Variants in CRYBG1 observed in about 807,000 individuals in gnomAD.
CRYBG1 encodes the protein beta/gamma crystallin domain-containing protein 1.
A neutral mutation model predicts 189.2 loss-of-function variants in CRYBG1; 139 were observed. The ratio of observed to expected loss-of-function variants is 0.73; its 90% CI spans 0.64 to 0.85. The LOEUF (loss-of-function observed/expected upper bound fraction) is 0.85. Ranked by LOEUF, CRYBG1 falls within the 40% of genes least tolerant of loss-of-function variation. CRYBG1 has a pLI of 0.00. For synonymous variants in CRYBG1, 1,023 were observed against 1,017.1 expected, an observed-to-expected ratio of 1.01 and a Z score of -0.11; for missense variants, 2,611 against 2,675.8, an observed-to-expected ratio of 0.98 and a Z score of 0.53.
chr6:106,541,703 C>A, intron 10 of CRYBG1, 82 bp downstream of exon 10: 2 of 933,410 alleles, frequency 2.1e-6, no homozygotes, highest in South Asian at 1.5e-5. Context: ...TAATGTTATT[C>A]CCACTCCATC....
chr6:106,512,914 A>G lies in CRYBG1; in HGVS notation c.1797A>G (p.Ala599=), dbSNP rs374565289. 2 of 1,606,926 alleles carry G rather than the reference A, an allele frequency of 1.2e-6. No homozygotes were observed. Among genetic ancestry groups the G allele is most frequent in the Non-Finnish European group, 1.7e-6 (2 of 1,177,006 alleles). Residue 599 remains alanine (A), a synonymous_variant, in exon 3 of 22, where the codon GCA becomes GCG. Coordinates refer to ENST00000633556, the MANE Select transcript of CRYBG1 (RefSeq NM_001371242.2). ...TCCCCAACCACTTCAACGGCCGGGC[A>G]GAGGGAGGTCGAAGCAGAGAGCTGG... is the stretch of plus-strand genomic sequence containing the variant. ...GPLPNHFNGR[A]EGGRSRELGR...
chr6:106,533,676 C>T (rs1175695337), intron 8 of CRYBG1, among the ~76,000 whole-genome samples: 3 of 152,022 alleles, frequency 2.0e-5, no homozygotes, highest in African/African-American at 4.8e-5. Flanking sequence ...GTATGAGGGG[C>T]CAAGACATGC....
rs1676015 is a variant in CRYBG1, at chr6:106,553,539, A to G, written c.5557A>G (p.Thr1853Ala). The G allele has an allele frequency of 6.2e-7, 1 of 1,613,512 alleles. No individual in the cohort carries two copies. Among genetic ancestry groups the G allele is most frequent in the Non-Finnish European group, 8.5e-7 (1 of 1,179,466 alleles). ...AAGTCAAATTGATGATTCATTTTCTACCAAGTCTTGCAGAGTTTCAGGAGG... is the reference window on the plus strand; with the variant it reads ...AAGTCAAATTGATGATTCATTTTCTGCCAAGTCTTGCAGAGTTTCAGGAGG... ...TTSQIDDSFS[T>A]KSCRVSGGSW... is the part of the protein sequence containing the mutation. The change falls in exon 16 of 22, where the codon ACC becomes GCC. Residue 1853 changes from threonine to alanine, a missense_variant. Transcript: ENST00000633556.
At position 106,519,604 on chromosome 6, in the gene CRYBG1, CA is replaced by C; in HGVS notation, c.2397del (p.Val800TrpfsTer5). 6.2e-7 allele frequency: 1 copy of C among 1,614,190 alleles called. No homozygotes were observed. The highest frequency in any genetic ancestry group is 1.3e-5 in the African/African-American group (1 of 75,040). ...ACAGATGCTGGCTGCCTTTCAGAAC[CA>C]GTGGCTTCTGCTCTGATTCCTGTCA... ...VQTDAGCLSE[P>X]VASALIPVKD... On this transcript the variant is annotated frameshift_variant, in exon 4 of 22. Coordinates refer to ENST00000633556, the MANE Select transcript of CRYBG1 (RefSeq NM_001371242.2). LOFTEE classifies it high-confidence loss of function.
intron 2 of CRYBG1, among the ~76,000 whole-genome samples, chr6:106,504,176 T>C (rs1168295239): frequency 6.6e-6 from 1 of 152,060 alleles, no homozygotes; most frequent in Non-Finnish European, 1.5e-5. Context: ...GTGACAAATA[T>C]TAGAAGCAGC....
chr6:106,533,148 G>C (rs1388992136), intron 8 of CRYBG1, among the ~76,000 whole-genome samples: 1 of 152,220 alleles, frequency 6.6e-6, no homozygotes, highest in Non-Finnish European at 1.5e-5. Flanking sequence ...AGGGTAGCTA[G>C]TAAAGGACTC....
chr6:106,376,307 T>C (rs961415374), intron 1 of CRYBG1, among the ~76,000 whole-genome samples: 1 of 152,208 alleles, frequency 6.6e-6, no homozygotes, highest in African/African-American at 2.4e-5. Context: ...TCCTTACTCA[T>C]TTCCCTCTGT....
At chr6:106,558,816 A>G (rs1287557888) in intron 18 of CRYBG1, among the ~76,000 whole-genome samples, 191 bp downstream of exon 18, 1 of 152,178 alleles carries the variant, frequency 6.6e-6, no homozygotes, top group African/African-American at 2.4e-5. Flanking sequence ...TTTAAAAATT[A>G]GCCAGGTGTC....
chr6:106,510,350 G>A (rs531221619), intron 2 of CRYBG1, among the ~76,000 whole-genome samples: 1 of 152,274 alleles, frequency 6.6e-6, no homozygotes, highest in Admixed American at 6.5e-5. Context: ...CCCCACTCTG[G>A]CAAACCCCGG....
intron 1 of CRYBG1, among the ~76,000 whole-genome samples, chr6:106,387,930 A>G (rs1363203780): frequency 6.6e-6 from 1 of 152,200 alleles, no homozygotes; most frequent in Non-Finnish European, 1.5e-5. Flanking sequence ...TTATTCTTCC[A>G]TTGGAGCAAT....
At chr6:106,529,535 T>C (rs117637591) in intron 7 of CRYBG1, among the ~76,000 whole-genome samples, 3,720 of 152,316 alleles carry the variant, frequency 0.024, 72 homozygotes, top group Non-Finnish European at 0.033. Context: ...CTCAGCTGCA[T>C]AGATGAGTTT....
chr6:106,522,188 G>A (rs1446603656), intron 4 of CRYBG1, among the ~76,000 whole-genome samples: 3 of 152,200 alleles, frequency 2.0e-5, no homozygotes, highest in Non-Finnish European at 4.4e-5. Flanking sequence ...GATTTGTGAA[G>A]GAGCTTCCTC....
rs554756055 is a variant in CRYBG1, at chr6:106,571,678, G to C, written c.*3112G>C. On this transcript the variant is annotated 3_prime_UTR_variant, in exon 22 of 22. Coordinates refer to ENST00000633556, the MANE Select transcript of CRYBG1 (RefSeq NM_001371242.2). ...TGCACTCCAGCCTGGGTGACACAGC[G>C]AGACCCTGTCTCTAAAACAAAAAAG... is the stretch of plus-strand genomic sequence containing the variant. 2.2e-4 allele frequency: 57 copies of C among 256,642 alleles called. No individual in the cohort carries two copies. The highest frequency in any genetic ancestry group is 1.2e-3 in the African/African-American group (51 of 43,628). The allele number at this position is 256,642 out of a possible 1,614,324, so 15.9% of individuals were successfully genotyped here.
chr6:106,374,185 G>A (rs1469303944), intron 1 of CRYBG1, among the ~76,000 whole-genome samples: 1 of 152,180 alleles, frequency 6.6e-6, no homozygotes, highest in African/African-American at 2.4e-5. Flanking sequence ...ATCTTCTAGA[G>A]AAGCTGCAAT....
At chr6:106,483,867 T>A (rs1371694892) in intron 2 of CRYBG1, among the ~76,000 whole-genome samples, 1 of 152,194 alleles carries the variant, frequency 6.6e-6, no homozygotes, top group Non-Finnish European at 1.5e-5. Flanking sequence ...ATCAGGTGAT[T>A]TGTTTATTGG....
At chr6:106,517,387 C>T (rs1773456727) in intron 3 of CRYBG1, among the ~76,000 whole-genome samples, 2 of 39,524 alleles carry the variant, frequency 5.1e-5, no homozygotes, top group African/African-American at 8.4e-5. Context: ...CACATATACA[C>T]ACATATATAT....
At chr6:106,499,705 A>G (rs1225895570) in intron 2 of CRYBG1, among the ~76,000 whole-genome samples, 1 of 152,104 alleles carries the variant, frequency 6.6e-6, no homozygotes, top group Non-Finnish European at 1.5e-5. Flanking sequence ...TCCTTTTAGC[A>G]ATTTTAAAAT....
chr6:106,528,862 C>T (rs1233145247), intron 7 of CRYBG1, among the ~76,000 whole-genome samples: 1 of 151,876 alleles, frequency 6.6e-6, no homozygotes, highest in African/African-American at 2.4e-5. Context: ...TTTCTTCTTT[C>T]AGTGAATCTT....
intron 1 of CRYBG1, among the ~76,000 whole-genome samples, chr6:106,402,610 A>G (rs1243839667): frequency 1.3e-5 from 2 of 149,152 alleles, no homozygotes; most frequent in Non-Finnish European, 3.0e-5. Flanking sequence ...GAAAGCTGAA[A>G]CTGGATCCCT....
Sources: gnomAD v4.1 joint callset for allele counts (sites outside exome capture counted in the v4.1 genomes callset) on GRCh38, gnomAD v4.1.1 for gene constraint, MANE v1.5 for transcripts, NCBI Gene and HGNC (gene_info 2026-07-23, HGNC 2026-07-21) for gene names.